The following THEM4 variants were observed in gnomAD, a reference collection of about 807,000 sequenced individuals.
THEM4 encodes the protein acyl-coenzyme A thioesterase THEM4.
Under a neutral mutation model 25.0 loss-of-function variants are expected in THEM4, and 22 were observed. The ratio of observed to expected loss-of-function variants is 0.88; its 90% CI spans 0.63 to 1.26. The LOEUF (loss-of-function observed/expected upper bound fraction) is 1.26, where lower values mean the gene tolerates loss of function less well. THEM4 is among the 50% of genes most tolerant of loss of function. The pLI is 0.00. For missense variants in THEM4, 286 were observed against 300.3 expected, an observed-to-expected ratio of 0.95 and a Z score of 0.35; for synonymous variants, 113 against 105.6, an observed-to-expected ratio of 1.07 and a Z score of -0.43.
chr1:151,871,009 C>T lies in THEM4; in HGVS notation c.*3879G>A, dbSNP rs950850044. Among the ~76,000 whole-genome samples the T allele has an allele frequency of 2.0e-5, 3 of 152,080 alleles. No homozygotes were observed. The highest frequency in any genetic ancestry group is 7.2e-5 in the African/African-American group (3 of 41,414). On this transcript the variant is annotated 3_prime_UTR_variant, in exon 6 of 6. Coordinates refer to ENST00000368814, the MANE Select transcript of THEM4 (RefSeq NM_053055.5). Reference sequence around the variant, plus strand: ...CCAGCATCAATTCCTAATATTCATTCAAAATGTTAGCACTTGGTATAAAGA... The same window carrying T: ...CCAGCATCAATTCCTAATATTCATTTAAAATGTTAGCACTTGGTATAAAGA...
intron 2 of THEM4, among the ~76,000 whole-genome samples, chr1:151,894,638 T>G (rs780845812): frequency 3.3e-5 from 5 of 152,174 alleles, no homozygotes; most frequent in African/African-American, 4.8e-5. Context: ...GGGTATAACC[T>G]GAGTGTTCTA....
intron 1 of THEM4, among the ~76,000 whole-genome samples, chr1:151,903,738 T>G (rs1654401375): frequency 6.6e-6 from 1 of 152,222 alleles, no homozygotes. Context: ...ACTCATCTCA[T>G]TAGCCACTGG....
At chr1:151,875,518 C>A (rs1653652133) in intron 5 of THEM4, among the ~76,000 whole-genome samples, 1 of 151,928 alleles carries the variant, frequency 6.6e-6, no homozygotes, top group Non-Finnish European at 1.5e-5. Flanking sequence ...GTATGTGCAA[C>A]TTATATATCC....
intron 1 of THEM4, among the ~76,000 whole-genome samples, chr1:151,905,025 T>C (rs1654426628): frequency 6.6e-6 from 1 of 152,234 alleles, no homozygotes; most frequent in African/African-American, 2.4e-5. Flanking sequence ...AAGCATAGAT[T>C]ATAAATGAAG....
At chr1:151,903,552 T>C (rs563143980) in intron 1 of THEM4, among the ~76,000 whole-genome samples, 1 of 152,360 alleles carries the variant, frequency 6.6e-6, no homozygotes, top group African/African-American at 2.4e-5. Context: ...TGAATATAGC[T>C]TTTCCTCTAT....
chr1:151,895,214 G>C lies in THEM4; in HGVS notation c.100-20C>G. On this transcript the variant is annotated intron_variant, in intron 1 of 5. Transcript: ENST00000368814. ...TGACCTCTAAAAGACAGAAGAAAAA[G>C]AAAAGTAAGTAATGGGAGGTGCATT... 6.3e-7 allele frequency: 1 copy of C among 1,579,866 alleles called. No homozygotes were observed. Among genetic ancestry groups the C allele is most frequent in the South Asian group, 1.2e-5 (1 of 85,204 alleles).
At chr1:151,901,289 A>C (rs1654346678) in intron 1 of THEM4, among the ~76,000 whole-genome samples, 1 of 152,242 alleles carries the variant, frequency 6.6e-6, no homozygotes, top group African/African-American at 2.4e-5. Flanking sequence ...CAAGTCATCA[A>C]GACAGAAAGT....
At chr1:151,908,410 C>G (rs1654523123) in intron 1 of THEM4, among the ~76,000 whole-genome samples, 1 of 152,214 alleles carries the variant, frequency 6.6e-6, no homozygotes, top group South Asian at 2.1e-4. Flanking sequence ...GGCCCAGATT[C>G]ATCCTGGCTT....
At chr1:151,878,536 T>C (rs1222693132) in intron 4 of THEM4, among the ~76,000 whole-genome samples, 2 of 152,236 alleles carry the variant, frequency 1.3e-5, no homozygotes, top group African/African-American at 4.8e-5. Flanking sequence ...ATATCTGCAC[T>C]CAGCCACACC....
At chr1:151,884,703 T>C (rs1653926208) in intron 4 of THEM4, among the ~76,000 whole-genome samples, 1 of 151,804 alleles carries the variant, frequency 6.6e-6, no homozygotes, top group Admixed American at 6.6e-5. Flanking sequence ...TTTTTGTTTT[T>C]TTTGAGATGG....
intron 2 of THEM4, among the ~76,000 whole-genome samples, chr1:151,894,363 CTTAA>C (rs1654170647): frequency 1.3e-5 from 2 of 152,024 alleles, no homozygotes; most frequent in Admixed American, 6.6e-5. Context: ...AACTATGGAC[CTTAA>C]TTAAGAATAA....
chr1:151,877,903 G>A (rs992306673), intron 4 of THEM4, among the ~76,000 whole-genome samples: 9 of 152,092 alleles, frequency 5.9e-5, no homozygotes, highest in African/African-American at 1.7e-4. Context: ...GGTAGAGCAC[G>A]GAAACGTGTT....
At position 151,894,789 on chromosome 1, in the gene THEM4, A is replaced by G. The variant is rs1236709083; in HGVS notation, c.286+219T>C. On this transcript the variant is annotated intron_variant, in intron 2 of 5. Transcript: ENST00000368814. ...TTCTTCACTCTTGCTAATGGTGATA[A>G]GAATGCCAGGGTGGGAGCAGTCTTA... 8.1e-6 allele frequency: 5 copies of G among 619,554 alleles called. No individual in the cohort carries two copies. The East Asian group carries it at 1.4e-4, about 17-fold the overall frequency. 38.4% of individuals were successfully genotyped at this position (619,554 alleles called of 1,614,324 possible). A position where few individuals can be genotyped will look rare whatever the true frequency, so the allele number is the denominator to read the frequency against.
chr1:151,883,517 T>G (rs1294274256), intron 4 of THEM4, among the ~76,000 whole-genome samples: 1 of 152,072 alleles, frequency 6.6e-6, no homozygotes, highest in Admixed American at 6.6e-5. Flanking sequence ...ACCAGGTCCC[T>G]CCCTTGACAC....
intron 4 of THEM4, among the ~76,000 whole-genome samples, chr1:151,881,876 C>A (rs536900340): frequency 6.6e-6 from 1 of 152,090 alleles, no homozygotes; most frequent in South Asian, 2.1e-4. Flanking sequence ...ATATGCTGAC[C>A]CATTATTTCC....
At chr1:151,905,000 C>A (rs1026395765) in intron 1 of THEM4, among the ~76,000 whole-genome samples, 1 of 151,962 alleles carries the variant, frequency 6.6e-6, no homozygotes. Flanking sequence ...CTAAGAGATA[C>A]CTGAAGTAAA....
At chr1:151,882,950 C>A (rs1653877626) in intron 4 of THEM4, among the ~76,000 whole-genome samples, 1 of 151,902 alleles carries the variant, frequency 6.6e-6, no homozygotes, top group Admixed American at 6.6e-5. Flanking sequence ...TTAATTGACT[C>A]ACAGTTCTGC....
intron 1 of THEM4, among the ~76,000 whole-genome samples, chr1:151,908,804 C>G (rs1572086568): frequency 6.6e-6 from 1 of 152,224 alleles, no homozygotes; most frequent in East Asian, 1.9e-4. Flanking sequence ...CATGGAACCC[C>G]AGGAATTAAA....
chr1:151,884,672 C>G (rs1314898254), intron 4 of THEM4, among the ~76,000 whole-genome samples: 3 of 140,872 alleles, frequency 2.1e-5, no homozygotes. Context: ...ATTACACTTT[C>G]ATTTCCTTTT....
Sources: allele counts gnomAD v4.1 joint callset (sites outside exome capture counted in the v4.1 genomes callset), GRCh38; gene constraint gnomAD v4.1.1; transcripts MANE v1.5; gene names NCBI Gene and HGNC (gene_info 2026-07-23, HGNC 2026-07-21).